SYN1: variants seen among roughly 807,000 people sequenced by gnomAD.
SYN1 encodes the protein synapsin I.
Under a neutral mutation model 44.6 loss-of-function variants are expected in SYN1, and 8 were observed. That is an observed-to-expected ratio of 0.18 (90% CI 0.11 to 0.32). SYN1 has a LOEUF of 0.32. SYN1 is among the 10% of genes least tolerant of loss of function. SYN1 has a pLI of 1.00. For missense variants in SYN1, 451 were observed against 639.4 expected, an observed-to-expected ratio of 0.71 and a Z score of 3.18; for synonymous variants, 275 against 280.1, an observed-to-expected ratio of 0.98 and a Z score of 0.18.
intron 5 of SYN1, among the ~76,000 whole-genome samples, chrX:47,603,066 T>C (rs1434349314): frequency 7.2e-5 from 8 of 111,848 alleles, no homozygotes; most frequent in Non-Finnish European, 1.3e-4. Flanking sequence ...TTATTTCTAT[T>C]AGGAACTACA....
Position 47,574,566 on chromosome X carries a change from C to T in SYN1, c.1418G>A (p.Gly473Asp). 1 of 1,091,223 alleles carries T rather than the reference C, an allele frequency of 9.2e-7. No homozygotes were observed. The highest frequency in any genetic ancestry group is 1.2e-6 in the Non-Finnish European group (1 of 836,827). The allele number at this position is 1,091,223 out of a possible 1,213,427, so 89.9% of individuals were successfully genotyped here. The change falls in exon 12 of 13, where the codon GGC becomes GAC. Residue 473 changes from glycine to aspartate, a missense_variant. Coordinates refer to ENST00000295987, the MANE Select transcript of SYN1 (RefSeq NM_006950.3). ...CAATGGGGGTCCCTGGCGCTGGGGG[C>T]CTGGACCCGGCTGTGGAGGGCCGCC... ...PQGGPPQPGP[G>D]PQRQGPPLQQ...
chrX:47,590,190 C>T (rs1368501647), intron 5 of SYN1: 1 of 111,504 alleles, frequency 9.0e-6, no homozygotes, highest in East Asian at 2.8e-4. Flanking sequence ...GAGTCCTGAA[C>T]CTGTGGCTCA....
rs945976041 is a variant in SYN1 at position 47,573,001 on chromosome X, TAG to T, written c.1983-4_1983-3del. The T allele has an allele frequency of 1.6e-5, 19 of 1,209,309 alleles. No individual in the cohort carries two copies. Among genetic ancestry groups the T allele is most frequent in the Middle Eastern group, 2.3e-4 (1 of 4,339 alleles). ...GCATTGGTCAGAGACTGGGATTTGCTAGAGAGAGACAAGGTGGAGGCGTGGGA... is the reference window on the plus strand; with the variant it reads ...GCATTGGTCAGAGACTGGGATTTGCTAGAGAGACAAGGTGGAGGCGTGGGA... On this transcript the variant is annotated splice_polypyrimidine_tract_variant and splice_region_variant and intron_variant, in intron 12 of 12. Coordinates refer to ENST00000295987, the MANE Select transcript of SYN1 (RefSeq NM_006950.3).
chrX:47,586,872 G>A (rs2057829557), intron 5 of SYN1: 1 of 522,804 alleles, frequency 1.9e-6, no homozygotes, highest in Admixed American at 4.2e-5. Flanking sequence ...GTGGGGATGA[G>A]GGATGCCAAA....
At chrX:47,585,184 C>T (rs1457995487) in intron 5 of SYN1, 1 of 1,172,610 alleles carries the variant, frequency 8.5e-7, no homozygotes, top group Non-Finnish European at 1.1e-6. Context: ...AAAAGAGACA[C>T]TTCCCCTCAT....
In SYN1 at chrX:47,615,635, G is replaced by A. The variant is rs1297223906; in HGVS notation, c.377+3717C>T. Among the ~76,000 whole-genome samples, 4 of 112,155 alleles carry A rather than the reference G, an allele frequency of 3.6e-5. No individual in the cohort carries two copies. The East Asian group carries it at 8.3e-4, about 23-fold the overall frequency. ...TGAGAAACACCAGAGAGCCGGGCACGGTGGCTCAAGCCTGTAATCCCAGCA... is the reference window on the plus strand; with the variant it reads ...TGAGAAACACCAGAGAGCCGGGCACAGTGGCTCAAGCCTGTAATCCCAGCA... On this transcript the variant is annotated intron_variant, in intron 1 of 12. Coordinates refer to ENST00000295987, the MANE Select transcript of SYN1 (RefSeq NM_006950.3).
intron 1 of SYN1, among the ~76,000 whole-genome samples, chrX:47,614,346 G>C (rs1354150442): frequency 2.7e-5 from 3 of 111,662 alleles, no homozygotes; most frequent in Non-Finnish European, 5.6e-5. Context: ...AGGGCATGGG[G>C]ACCAAAGGCT....
At position 47,607,160 on chromosome X, in the gene SYN1, A is replaced by G. The variant is rs1369345664; in HGVS notation, c.416T>C (p.Ile139Thr). ...ACTTACCTGTTCTACTTTAATGTCA[A>G]TTTCTCCATGGATCTTTTTCCCTTT... The part of the protein sequence containing the change: ...YFKGKKIHGE[I>T]DIKVEQAEFS... Residue 139 changes from isoleucine (I) to threonine (T), a missense_variant, in exon 2 of 13, where the codon ATT (isoleucine) becomes ACT (threonine). Ile to Thr is a moderately conservative substitution (Grantham distance 89). Around this residue, in one of 3 missense-constraint regions of SYN1, gnomAD observed 315 missense variants for 451.4 expected, o/e 0.70. Coordinates refer to ENST00000295987, the MANE Select transcript of SYN1 (RefSeq NM_006950.3). 8.3e-7 allele frequency: 1 copy of G among 1,209,660 alleles called. No individual in the cohort carries two copies. The highest frequency in any genetic ancestry group is 1.1e-6 in the Non-Finnish European group (1 of 895,018).
chrX:47,578,701 A>C (rs1451400061), intron 5 of SYN1, among the ~76,000 whole-genome samples: 2 of 110,924 alleles, frequency 1.8e-5, no homozygotes, highest in African/African-American at 6.6e-5. Flanking sequence ...CTCCACCCCC[A>C]CCCCCACAGC....
At chrX:47,581,434 C>G (rs1049112930) in intron 5 of SYN1, among the ~76,000 whole-genome samples, 6 of 111,863 alleles carry the variant, frequency 5.4e-5, no homozygotes, top group African/African-American at 2.0e-4. Context: ...GGGGGCAGGG[C>G]AGGATGGGGT....
chrX:47,577,366 C>T (rs1226781898), intron 6 of SYN1, 73 bp downstream of exon 6: 14 of 1,071,946 alleles, frequency 1.3e-5, no homozygotes, highest in African/African-American at 7.4e-5. Flanking sequence ...CCAGGAGACG[C>T]GATCACACAG....
chrX:47,617,407 G>C (rs979947180), intron 1 of SYN1, among the ~76,000 whole-genome samples: 1 of 111,065 alleles, frequency 9.0e-6, no homozygotes, highest in African/African-American at 3.3e-5. Flanking sequence ...AGTAAATTTA[G>C]TAAATTTACT....
In SYN1 at chrX:47,574,691, G is replaced by A. The variant is rs2057771817; in HGVS notation, c.1390C>T (p.Gln464Ter). 8.5e-7 allele frequency: 1 copy of A among 1,183,225 alleles called. No homozygotes were observed. Among genetic ancestry groups the A allele is most frequent in the Non-Finnish European group, 1.1e-6 (1 of 881,158 alleles). The change falls in exon 11 of 13, where the codon CAG becomes TAG. Residue 464 changes from glutamine (Q) to a stop codon, truncating the protein, a stop_gained. Coordinates refer to ENST00000295987, the MANE Select transcript of SYN1 (RefSeq NM_006950.3). LOFTEE classifies it high-confidence loss of function. ...GPPAQQRPPP[Q>*]GGPPQPGPGP... ...CGACCGCCAGCCTCTCGCTTACCCT[G>A]TGGTGGGGGTCGCTGCTGAGCCGGG... is the stretch of plus-strand genomic sequence containing the variant.
In SYN1 at chrX:47,573,998, T is replaced by C; in HGVS notation, c.1982+4A>G. 1 of 1,131,216 alleles carries C rather than the reference T, an allele frequency of 8.8e-7. No homozygotes were observed. Among genetic ancestry groups the C allele is most frequent in the Non-Finnish European group, 1.2e-6 (1 of 861,172 alleles). 93.2% of individuals were successfully genotyped at this position (1,131,216 alleles called of 1,213,427 possible). ...GGCGAAGGCTGCTGTAGGGGTCCCC[T>C]TACTTGAGCTGGGGGTGCGGAGGTC... On this transcript the variant is annotated splice_donor_region_variant and intron_variant, in intron 12 of 12. Coordinates refer to ENST00000295987, the MANE Select transcript of SYN1 (RefSeq NM_006950.3).
chrX:47,606,822 C>G, intron 3 of SYN1, 123 bp downstream of exon 3: 1 of 705,684 alleles, frequency 1.4e-6, no homozygotes, highest in Non-Finnish European at 2.2e-6. Flanking sequence ...GTTGTCTCCC[C>G]ACATTCCATG....
intron 5 of SYN1, among the ~76,000 whole-genome samples, chrX:47,579,603 A>C (rs1379096917): frequency 9.3e-6 from 1 of 107,215 alleles, no homozygotes; most frequent in African/African-American, 3.4e-5. Context: ...TCAAAACTGC[A>C]CAATAACCGG....
chrX:47,596,577 G>T (rs1351983512), intron 5 of SYN1, among the ~76,000 whole-genome samples: 5 of 112,463 alleles, frequency 4.4e-5, no homozygotes, highest in Non-Finnish European at 9.4e-5. Context: ...AGACTTACTG[G>T]TTTCAGGTGA....
At chrX:47,574,641 G>C in intron 11 of SYN1, 47 bp downstream of exon 11, 3 of 1,138,267 alleles carry the variant, frequency 2.6e-6, no homozygotes, top group Non-Finnish European at 3.5e-6. Context: ...GCGGGTAAGA[G>C]ATGGCGGGCT....
chrX:47,592,687 G>GGA (rs1157308917), intron 5 of SYN1, among the ~76,000 whole-genome samples: 1 of 110,951 alleles, frequency 9.0e-6, no homozygotes, highest in Non-Finnish European at 1.9e-5. Context: ...GTGTCTTTCA[G>GGA]GAGTGTTTTA....
Sources: gnomAD v4.1 joint callset for allele counts (sites outside exome capture counted in the v4.1 genomes callset) on GRCh38, gnomAD v4.1.1 for gene constraint, gnomAD v4.1.1 regional missense constraint, MANE v1.5 for transcripts, NCBI Gene and HGNC (gene_info 2026-07-23, HGNC 2026-07-21) for gene names.